Variants in MEI1 observed in about 807,000 individuals in gnomAD.
MEI1 encodes meiotic double-stranded break formation protein 1.
A neutral mutation model predicts 146.2 loss-of-function variants in MEI1; 103 were observed. The ratio of observed to expected loss-of-function variants is 0.70; its 90% CI spans 0.60 to 0.83. The LOEUF is 0.83. Among genes scored for constraint, MEI1 ranks in the 40% least tolerant of loss-of-function variants. The probability of loss-of-function intolerance (pLI) is 0.00; values close to 1 mark genes in which losing one functional copy is unlikely to be tolerated. For missense variants in MEI1, 1,529 were observed against 1,533.0 expected, an observed-to-expected ratio of 1.00 and a Z score of 0.04; for synonymous variants, 652 against 628.2, an observed-to-expected ratio of 1.04 and a Z score of -0.57.
rs1337151270 is a variant in MEI1, at chr22:41,724,210, G to C, written c.864+137G>C. 1.1e-5 allele frequency: 12 copies of C among 1,128,832 alleles called. No homozygotes were observed. In the South Asian group the frequency reaches 1.9e-4, roughly 18 times the overall value. 69.9% of individuals were successfully genotyped at this position (1,128,832 alleles called of 1,614,324 possible). On this transcript the variant is annotated intron_variant, in intron 7 of 30. Coordinates refer to ENST00000401548, the MANE Select transcript of MEI1 (RefSeq NM_152513.4). ...ACTGGGCAAAATAATATACTGGCTG[G>C]GGGCGGTGGCTCATGTCTGTAGTCC...
At chr22:41,714,833 A>T (rs766455654) in intron 4 of MEI1, among the ~76,000 whole-genome samples, 4 of 152,100 alleles carry the variant, frequency 2.6e-5, no homozygotes, top group Non-Finnish European at 5.9e-5. Flanking sequence ...GTGAGCTGAG[A>T]TCGCACCACT....
intron 16 of MEI1, 42 bp from the exon 17 acceptor site, chr22:41,753,907 A>T (rs2073932725): frequency 1.5e-6 from 2 of 1,369,698 alleles, no homozygotes; most frequent in Non-Finnish European, 2.1e-6. Flanking sequence ...CAGCCAAAGT[A>T]GCAATGTCAT....
intron 22 of MEI1, among the ~76,000 whole-genome samples, chr22:41,780,586 T>C (rs1569313847): frequency 6.7e-6 from 1 of 149,842 alleles, no homozygotes; most frequent in African/African-American, 2.5e-5. Flanking sequence ...CTTTTCTTTT[T>C]TTTTTTTTTT....
Sources: gnomAD v4.1 joint callset for allele counts (sites outside exome capture counted in the v4.1 genomes callset) on GRCh38, gnomAD v4.1.1 for gene constraint, MANE v1.5 for transcripts, NCBI Gene and HGNC (gene_info 2026-07-23, HGNC 2026-07-21) for gene names.